The following TCTN2 variants were observed in gnomAD, a reference collection of about 807,000 sequenced individuals.
The protein encoded by TCTN2 is tectonic family member 2.
A neutral mutation model predicts 83.4 loss-of-function variants in TCTN2; 66 were observed. The observed-to-expected ratio is 0.79, with a 90% CI of 0.65 to 0.97. The LOEUF (loss-of-function observed/expected upper bound fraction) is 0.97. Ranked by LOEUF, TCTN2 falls within the 50% of genes least tolerant of loss-of-function variation. The pLI is 0.00. For missense variants in TCTN2, 794 were observed against 858.1 expected (o/e 0.93, Z 0.93); for synonymous variants, 301 against 326.7 (o/e 0.92, Z 0.85).
intron 7 of TCTN2, among the ~76,000 whole-genome samples, chr12:123,689,009 G>A (rs1956010236): frequency 6.6e-6 from 1 of 151,286 alleles, no homozygotes; most frequent in East Asian, 1.9e-4. Flanking sequence ...GCCTGCCTCA[G>A]CCTCCCAAAG....
intron 13 of TCTN2, 98 bp downstream of exon 13, chr12:123,697,296 A>G: frequency 2.2e-6 from 2 of 900,320 alleles, no homozygotes; most frequent in East Asian, 4.9e-5. Context: ...ATGAAAAATT[A>G]GAGTCAATTA....
chr12:123,707,503 G>A (rs893979810), intron 17 of TCTN2, 101 bp from the exon 18 acceptor site: 1 of 1,149,554 alleles, frequency 8.7e-7, no homozygotes, highest in Non-Finnish European at 1.3e-6. Flanking sequence ...CTCCCAAAGT[G>A]TTAGGATTAC....
intron 15 of TCTN2, 136 bp downstream of exon 15, chr12:123,704,824 C>T (rs1267708816): frequency 4.4e-6 from 4 of 906,544 alleles, no homozygotes; most frequent in Admixed American, 2.0e-5. Flanking sequence ...TGTTTATATG[C>T]ACATATGGAA....
chr12:123,683,888 C>T (rs779717930), intron 5 of TCTN2, among the ~76,000 whole-genome samples: 139 of 152,194 alleles, frequency 9.1e-4, no homozygotes, highest in Non-Finnish European at 3.5e-4. Context: ...ATCCACCCAC[C>T]TCAGCCTCCC....
intron 9 of TCTN2, among the ~76,000 whole-genome samples, chr12:123,692,933 C>T (rs1416794491): frequency 6.6e-6 from 1 of 151,904 alleles, no homozygotes; most frequent in Non-Finnish European, 1.5e-5. Flanking sequence ...TGCTCCTCCA[C>T]AGTCCTGGAT....
At chr12:123,689,870 A>T (rs1413593148) in intron 7 of TCTN2, among the ~76,000 whole-genome samples, 1 of 152,140 alleles carries the variant, frequency 6.6e-6, no homozygotes, top group African/African-American at 2.4e-5. Flanking sequence ...GTGTAGTCAC[A>T]GCTCACTGCA....
intron 16 of TCTN2, 50 bp from the exon 17 acceptor site, chr12:123,706,935 T>C: frequency 6.2e-7 from 1 of 1,613,446 alleles, no homozygotes; most frequent in African/African-American, 1.3e-5. Context: ...TTAATCAAGT[T>C]CTGATACTTC....
chr12:123,671,640 G>T, intron 2 of TCTN2, 26 bp downstream of exon 2: 1 of 1,598,656 alleles, frequency 6.3e-7, no homozygotes, highest in Non-Finnish European at 8.5e-7. Context: ...CTTTTGGGGA[G>T]GGTGGGGGTT....
At chr12:123,695,191 CATTAT>C (rs1566257499) in intron 10 of TCTN2, 24 bp from the exon 11 acceptor site, 5 of 1,466,538 alleles carry the variant, frequency 3.4e-6, no homozygotes, top group Admixed American at 1.7e-5. Context: ...AAATGGTGCA[CATTAT>C]ATTTTATTTT....
At chr12:123,694,210 G>A (rs987984018) in intron 9 of TCTN2, among the ~76,000 whole-genome samples, 3 of 151,944 alleles carry the variant, frequency 2.0e-5, no homozygotes, top group Non-Finnish European at 4.4e-5. Context: ...GGCCAGGCTG[G>A]TCTTGAACTC....
Position 123,679,181 on chromosome 12 carries a change from C to T in TCTN2, c.464-8C>T. On this transcript the variant is annotated splice_polypyrimidine_tract_variant and splice_region_variant and intron_variant, in intron 4 of 17. Transcript: ENST00000303372. ...TAGCTGAATTTTTCTGTTGTGTGTA[C>T]TTTTCAGAGAACGTGACTGTCATTC... The T allele has an allele frequency of 6.2e-7, 1 of 1,609,770 alleles. No homozygotes were observed. The highest frequency in any genetic ancestry group is 8.5e-7 in the Non-Finnish European group (1 of 1,176,116).
chr12:123,706,431 G>A (rs1387504673), intron 15 of TCTN2, among the ~76,000 whole-genome samples: 1 of 152,186 alleles, frequency 6.6e-6, no homozygotes. Context: ...AGGTACCTTT[G>A]ATAGCACCTG....
intron 9 of TCTN2, among the ~76,000 whole-genome samples, chr12:123,694,169 A>G (rs1265687662): frequency 6.6e-6 from 1 of 151,230 alleles, no homozygotes; most frequent in Non-Finnish European, 1.5e-5. Context: ...GATTTTTTGT[A>G]TTGTTAGTAG....
chr12:123,693,095 C>T lies in TCTN2; in HGVS notation c.1099+372C>T, dbSNP rs534571019. Among the ~76,000 whole-genome samples the T allele has an allele frequency of 4.1e-3, 530 of 128,054 alleles. 1 individual carries two copies. The highest frequency in any genetic ancestry group is 0.014 in the Middle Eastern group (2 of 146). 84.0% of individuals were successfully genotyped at this position (128,054 alleles called of 152,430 possible). A position where few individuals can be genotyped will look rare whatever the true frequency, so the allele number is the denominator to read the frequency against. ...AGGCTGGAGTGCAATGGCATGATCT[C>T]GGCTCACTGCAACCTCCGCCTCCTG... On this transcript the variant is annotated intron_variant, in intron 9 of 17. Coordinates refer to ENST00000303372, the MANE Select transcript of TCTN2 (RefSeq NM_024809.5).
intron 5 of TCTN2, among the ~76,000 whole-genome samples, chr12:123,685,049 C>CAAAA (rs35845988): frequency 1.1e-5 from 1 of 94,812 alleles, no homozygotes; most frequent in Non-Finnish European, 2.2e-5. Context: ...GACTCCATCT[C>CAAAA]AAAAAAAAAA....
chr12:123,708,210 C>T lies in TCTN2; in HGVS notation c.*497C>T, dbSNP rs1956256052. The T allele has an allele frequency of 5.6e-6, 1 of 178,458 alleles. No individual in the cohort carries two copies. The highest frequency in any genetic ancestry group is 1.2e-5 in the Non-Finnish European group (1 of 84,248). 11.1% of individuals were successfully genotyped at this position (178,458 alleles called of 1,614,324 possible). ...GTTTCGCCTTGTTGCCCAGGGTGGTCTGTAACTCCTGAGCTCAGATGATCT... is the reference window on the plus strand; with the variant it reads ...GTTTCGCCTTGTTGCCCAGGGTGGTTTGTAACTCCTGAGCTCAGATGATCT... On this transcript the variant is annotated 3_prime_UTR_variant, in exon 18 of 18. Coordinates refer to ENST00000303372, the MANE Select transcript of TCTN2 (RefSeq NM_024809.5).
In TCTN2 at chr12:123,688,097, G is replaced by A. The variant is rs757163495; in HGVS notation, c.811G>A (p.Ala271Thr). 9 of 1,614,004 alleles carry A rather than the reference G, an allele frequency of 5.6e-6. No individual in the cohort carries two copies. Among genetic ancestry groups the A allele is most frequent in the East Asian group, 2.2e-5 (1 of 44,888 alleles). ...SSFEVYVDTD[A>T]KDFADFGYKQ... The stretch of plus-strand genomic sequence containing the variant: ...CTTTGAAGTATATGTGGATACTGAC[G>A]CAAAAGACTTTGCAGACTTTGGTTA... The change falls in exon 7 of 18, where the codon GCA becomes ACA. Residue 271 changes from alanine (A) to threonine (T), a missense_variant. By Grantham distance (58) the Ala-to-Thr change is moderately conservative. Transcript: ENST00000303372.
At chr12:123,695,379 ACTCT>A in intron 11 of TCTN2, 82 bp downstream of exon 11, 1 of 924,168 alleles carries the variant, frequency 1.1e-6, no homozygotes, top group East Asian at 2.4e-5. Context: ...GTTATAAGTA[ACTCT>A]CTCCAATTTA....
At position 123,702,543 on chromosome 12, in the gene TCTN2, C is replaced by T. The variant is rs376595316; in HGVS notation, c.1613-1989C>T. On this transcript the variant is annotated intron_variant, in intron 14 of 17. Coordinates refer to ENST00000303372, the MANE Select transcript of TCTN2 (RefSeq NM_024809.5). ...AGGGAGTCCTGTTGGACTCCACCCC[C>T]ACGGGGCACTCAGGCTGCTGTTTGC... Among the ~76,000 whole-genome samples, 306 of 152,316 alleles carry T rather than the reference C, an allele frequency of 2.0e-3. 1 individual carries two copies. The highest frequency in any genetic ancestry group is 6.7e-3 in the African/African-American group (279 of 41,570).
Sources: allele counts gnomAD v4.1 joint callset (sites outside exome capture counted in the v4.1 genomes callset), GRCh38; gene constraint gnomAD v4.1.1; transcripts MANE v1.5; gene names NCBI Gene and HGNC (gene_info 2026-07-23, HGNC 2026-07-21).